Variants in PCDHGA4 observed in about 807,000 individuals in gnomAD.
PCDHGA4 encodes protocadherin gamma subfamily A, 4, also known as protocadherin gamma-A4.
A neutral mutation model predicts 54.6 loss-of-function variants in PCDHGA4; 38 were observed. That is an observed-to-expected ratio of 0.70 (90% CI 0.54 to 0.91). The LOEUF (loss-of-function observed/expected upper bound fraction) is 0.91, where lower values mean the gene tolerates loss of function less well. Among genes scored for constraint, PCDHGA4 ranks in the 40% least tolerant of loss-of-function variants. PCDHGA4 has a pLI of 0.00. For synonymous variants in PCDHGA4, 511 were observed against 512.9 expected (o/e 1.00, Z 0.05); for missense variants, 1,298 against 1,220.9 (o/e 1.06, Z -0.94).
chr5:141,482,562 C>A (rs1030078543), intron 1 of PCDHGA4, among the ~76,000 whole-genome samples: 68 of 142,616 alleles, frequency 4.8e-4, no homozygotes, highest in African/African-American at 1.8e-3. Flanking sequence ...TAATGGAGAT[C>A]TGCATAGCAT....
Position 141,432,075 on chromosome 5 carries a change from C to T in PCDHGA4, c.2515-62732C>T. On this transcript the variant is annotated intron_variant, in intron 1 of 3. Transcript: ENST00000571252. The surrounding 1 kb of genome is among the most constrained non-coding windows in gnomAD (Gnocchi z 6.0). ...CCCCTATCCACGGAAACTCATATCT[C>T]GCTGAACGTGGCAGACACCAACGAC... 3 of 1,614,204 alleles carry T rather than the reference C, an allele frequency of 1.9e-6. No homozygotes were observed. Among genetic ancestry groups the T allele is most frequent in the Non-Finnish European group, 2.5e-6 (3 of 1,180,046 alleles).
Position 141,355,939 on chromosome 5 carries a change from T to G in PCDHGA4, c.832T>G (p.Tyr278Asp). Residue 278 changes from tyrosine (Y) to aspartate (D), a missense_variant, in exon 1 of 4, where the codon TAC (tyrosine) becomes GAC (aspartate). By Grantham distance (160) the Tyr-to-Asp change is radical. Transcript: ENST00000571252. ...TGCTCCCGTGTTCACTCAGCCCGAG[T>G]ACCACGTAAGTGTTCGTGAGAACGT... Reference protein sequence around the residue: ...DNAPVFTQPEYHVSVRENVPV... With the variant: ...DNAPVFTQPEDHVSVRENVPV... The G allele has an allele frequency of 6.2e-7, 1 of 1,613,842 alleles. No individual in the cohort carries two copies. The highest frequency in any genetic ancestry group is 8.5e-7 in the Non-Finnish European group (1 of 1,179,856).
intron 1 of PCDHGA4, chr5:141,408,300 T>TC: frequency 6.2e-7 from 1 of 1,613,732 alleles, no homozygotes; most frequent in South Asian, 1.1e-5. Context: ...AGTGAGCCGA[T>TC]CCGCTACTCG....
intron 1 of PCDHGA4, among the ~76,000 whole-genome samples, chr5:141,406,540 A>C (rs1180847016): frequency 6.6e-6 from 1 of 152,216 alleles, no homozygotes; most frequent in Non-Finnish European, 1.5e-5. Context: ...ACGAAGATTC[A>C]AACTTCAGTT....
In PCDHGA4 at chr5:141,482,773, C is replaced by A. The variant is rs2009076; in HGVS notation, c.2515-12034C>A. ...ATTATGGTATTTCATTATCACTGAA[C>A]CTTAAACTGTGTGTGTGGCCGGGTA... On this transcript the variant is annotated intron_variant, in intron 1 of 3. Coordinates refer to ENST00000571252, the MANE Select transcript of PCDHGA4 (RefSeq NM_018917.4). 9.1e-3 allele frequency among the ~76,000 whole-genome samples: 1,158 copies of A among 127,768 alleles called. 29 individuals carry two copies. Among genetic ancestry groups the A allele is most frequent in the Middle Eastern group, 0.013 (3 of 228 alleles). 83.8% of individuals were successfully genotyped at this position (127,768 alleles called of 152,430 possible). A position where few individuals can be genotyped will look rare whatever the true frequency, so the allele number is the denominator to read the frequency against.
rs992649031 is a variant in PCDHGA4 at position 141,387,128 on chromosome 5, G to C, written c.2514+29507G>C. On this transcript the variant is annotated intron_variant, in intron 1 of 3. Coordinates refer to ENST00000571252, the MANE Select transcript of PCDHGA4 (RefSeq NM_018917.4). ...ATAATATTCCTGTAATGAAATCACTGAAACTATTGGGAAGGGGGTGTATTT... is the reference window on the plus strand; with the variant it reads ...ATAATATTCCTGTAATGAAATCACTCAAACTATTGGGAAGGGGGTGTATTT... Among the ~76,000 whole-genome samples, 7 of 152,316 alleles carry C rather than the reference G, an allele frequency of 4.6e-5. No homozygotes were observed. The South Asian group carries it at 8.3e-4, about 18-fold the overall frequency.
Position 141,481,023 on chromosome 5 carries a change from A to G in PCDHGA4, c.2515-13784A>G, listed in dbSNP as rs546827260. On this transcript the variant is annotated intron_variant, in intron 1 of 3. Transcript: ENST00000571252. ...CAGTGAGCCCAGATCACACCACTGC[A>G]CTCCAGCCTGGGCGACAGAGCGAGA... Among the ~76,000 whole-genome samples the G allele has an allele frequency of 9.0e-4, 137 of 152,218 alleles. 1 individual carries two copies. The highest frequency in any genetic ancestry group is 3.2e-3 in the African/African-American group (132 of 41,516).
rs539892249 is a variant in PCDHGA4 at position 141,500,355 on chromosome 5, C to T, written c.2574-5038C>T. ...TCCAGAATAGCTGGGACTACAGGCG[C>T]CCACTACCACGCCCGGCTAATTATT... On this transcript the variant is annotated intron_variant, in intron 2 of 3. Coordinates refer to ENST00000571252, the MANE Select transcript of PCDHGA4 (RefSeq NM_018917.4). Among the ~76,000 whole-genome samples, 274 of 152,030 alleles carry T rather than the reference C, an allele frequency of 1.8e-3. 2 individuals are homozygous for T. The highest frequency in any genetic ancestry group is 6.3e-3 in the African/African-American group (263 of 41,478).
chr5:141,436,902 G>A (rs2097852984), intron 1 of PCDHGA4, among the ~76,000 whole-genome samples: 1 of 152,210 alleles, frequency 6.6e-6, no homozygotes, highest in Admixed American at 6.5e-5. Flanking sequence ...TTTTATATGA[G>A]ACAATTTTGT....
At chr5:141,362,608 T>C in intron 1 of PCDHGA4, 1 of 1,564,044 alleles carries the variant, frequency 6.4e-7, no homozygotes, top group Non-Finnish European at 8.7e-7. Flanking sequence ...TTCACCTAAT[T>C]TGGGTAGGAA....
chr5:141,366,362 A>G (rs768343198), intron 1 of PCDHGA4: 1 of 1,613,968 alleles, frequency 6.2e-7, no homozygotes, highest in Non-Finnish European at 8.5e-7. Context: ...CCTAGGCAGT[A>G]TCAAGACCCC....
chr5:141,413,906 C>G, intron 1 of PCDHGA4: 1 of 1,613,310 alleles, frequency 6.2e-7, no homozygotes. Context: ...GACAACGCGC[C>G]GGTCTTCACC....
At chr5:141,399,952 G>A in intron 1 of PCDHGA4, 1 of 1,612,186 alleles carries the variant, frequency 6.2e-7, no homozygotes, top group Non-Finnish European at 8.5e-7. Flanking sequence ...GCAGGCTAGC[G>A]AGCCCGGGCT....
intron 1 of PCDHGA4, among the ~76,000 whole-genome samples, chr5:141,472,266 G>A (rs931951683): frequency 2.0e-5 from 3 of 152,198 alleles, no homozygotes. Flanking sequence ...TTATAGCCGG[G>A]CACAGTGGCT....
In PCDHGA4 at chr5:141,511,774, T is replaced by C. The variant is rs1173144009; in HGVS notation, c.*601T>C. 6.2e-6 allele frequency: 1 copy of C among 160,350 alleles called. No homozygotes were observed. The highest frequency in any genetic ancestry group is 1.4e-5 in the Non-Finnish European group (1 of 72,132). The allele number at this position is 160,350 out of a possible 1,614,324, so 9.9% of individuals were successfully genotyped here. A position where few individuals can be genotyped will look rare whatever the true frequency, so the allele number is the denominator to read the frequency against. On this transcript the variant is annotated 3_prime_UTR_variant, in exon 4 of 4. Coordinates refer to ENST00000571252, the MANE Select transcript of PCDHGA4 (RefSeq NM_018917.4). ...ATGATCACCATCCCCATGGTACTGA[T>C]GCTTGCTGGATTTAGGGAGGGCATT...
chr5:141,489,666 C>A lies in PCDHGA4; in HGVS notation c.2515-5141C>A. On this transcript the variant is annotated intron_variant, in intron 1 of 3. Transcript: ENST00000571252. The surrounding 1 kb of genome is among the most constrained non-coding windows in gnomAD (Gnocchi z 4.5). ...CCACCCCTGAGCGAGAGATGCGCAT[C>A]TCAGAATCAGCAGCATCTGGGGCAC... 1.2e-6 allele frequency: 2 copies of A among 1,614,222 alleles called. No homozygotes were observed. Among genetic ancestry groups the A allele is most frequent in the Non-Finnish European group, 1.7e-6 (2 of 1,180,036 alleles).
At chr5:141,362,345 C>T (rs776739300) in intron 1 of PCDHGA4, 2 of 1,614,068 alleles carry the variant, frequency 1.2e-6, no homozygotes, top group South Asian at 2.2e-5. Flanking sequence ...AAGCCTGGAC[C>T]TGGGGTTCTC....
chr5:141,481,229 A>G (rs989963485), intron 1 of PCDHGA4, among the ~76,000 whole-genome samples: 5 of 152,212 alleles, frequency 3.3e-5, no homozygotes, highest in African/African-American at 4.8e-5. Context: ...TCCCAGCCTT[A>G]AAGTATTACA....
At position 141,476,792 on chromosome 5, in the gene PCDHGA4, G is replaced by T. The variant is rs376910320; in HGVS notation, c.2515-18015G>T. ...GGACGGAGGGACCCCAGCTCTCTCC[G>T]CCAGCCTGCCTATTCACATCAAGGT... On this transcript the variant is annotated intron_variant, in intron 1 of 3. Coordinates refer to ENST00000571252, the MANE Select transcript of PCDHGA4 (RefSeq NM_018917.4). The surrounding 1 kb of genome is among the most constrained non-coding windows in gnomAD (Gnocchi z 7.6). 4.3e-6 allele frequency: 7 copies of T among 1,612,720 alleles called. No individual in the cohort carries two copies. Among genetic ancestry groups the T allele is most frequent in the Non-Finnish European group, 5.1e-6 (6 of 1,179,958 alleles).
Sources: gnomAD v4.1 joint callset for allele counts (sites outside exome capture counted in the v4.1 genomes callset) on GRCh38, gnomAD v4.1.1 for gene constraint, Gnocchi (gnomAD v3.1) non-coding constraint, MANE v1.5 for transcripts, NCBI Gene and HGNC (gene_info 2026-07-23, HGNC 2026-07-21) for gene names.